FBXL7: variants seen among roughly 807,000 people sequenced by gnomAD.
FBXL7 encodes F-box/LRR-repeat protein 7.
In FBXL7, 12 loss-of-function variants were observed where a neutral mutation model predicts 38.3. The observed-to-expected ratio is 0.31, with a 90% CI of 0.20 to 0.51. The LOEUF (loss-of-function observed/expected upper bound fraction) is 0.51. FBXL7 is among the 20% of genes least tolerant of loss of function. FBXL7 has a pLI of 0.98. For synonymous variants in FBXL7, 297 were observed against 300.9 expected (o/e 0.99, Z 0.13); for missense variants, 567 against 676.4 (o/e 0.84, Z 1.79).
chr5:15,799,511 C>G (rs257776), intron 2 of FBXL7, among the ~76,000 whole-genome samples: 1 of 151,598 alleles, frequency 6.6e-6, no homozygotes, highest in African/African-American at 2.4e-5. Context: ...TACAGGCATG[C>G]GCCACCATGC....
intron 1 of FBXL7, chr5:15,501,377 A>T: frequency 1.0e-6 from 1 of 973,266 alleles, no homozygotes; most frequent in Non-Finnish European, 1.2e-6. Context: ...CCTACTCCTA[A>T]AAGGATGATG....
chr5:15,711,478 C>T (rs997400653), intron 2 of FBXL7, among the ~76,000 whole-genome samples: 2 of 152,188 alleles, frequency 1.3e-5, no homozygotes, highest in African/African-American at 4.8e-5. Flanking sequence ...TGTTACAACC[C>T]TATTTCCAAA....
intron 1 of FBXL7, among the ~76,000 whole-genome samples, chr5:15,538,663 C>A (rs1737654672): frequency 6.6e-6 from 1 of 152,184 alleles, no homozygotes; most frequent in African/African-American, 2.4e-5. Context: ...GATACTCTGT[C>A]TTCCTTGTCT....
intron 1 of FBXL7, among the ~76,000 whole-genome samples, chr5:15,588,751 T>G (rs1739375164): frequency 6.6e-6 from 1 of 152,210 alleles, no homozygotes; most frequent in African/African-American, 2.4e-5. Flanking sequence ...TTTAACTTTC[T>G]TCCCAATTGT....
intron 2 of FBXL7, among the ~76,000 whole-genome samples, chr5:15,725,315 C>T (rs552683801): frequency 4.6e-4 from 70 of 152,242 alleles, no homozygotes; most frequent in Admixed American, 2.5e-3. Flanking sequence ...ATATCCCATA[C>T]ATTTTGGTAT....
intron 2 of FBXL7, among the ~76,000 whole-genome samples, chr5:15,835,397 A>T (rs1395080981): frequency 6.6e-6 from 1 of 152,222 alleles, no homozygotes; most frequent in African/African-American, 2.4e-5. Context: ...TATAATATGA[A>T]ATTATACATT....
At chr5:15,787,729 G>A (rs999237081) in intron 2 of FBXL7, among the ~76,000 whole-genome samples, 1 of 152,140 alleles carries the variant, frequency 6.6e-6, no homozygotes, top group Non-Finnish European at 1.5e-5. Flanking sequence ...ATTAAATTTA[G>A]AGAGGAAAGA....
chr5:15,936,890 G>A lies in FBXL7; in HGVS notation c.1180G>A (p.Val394Met). 1 of 1,614,052 alleles carries A rather than the reference G, an allele frequency of 6.2e-7. No homozygotes were observed. Residue 394 changes from valine (V) to methionine (M), a missense_variant, in exon 4 of 4, where the codon GTG becomes ATG. Coordinates refer to ENST00000504595, the MANE Select transcript of FBXL7 (RefSeq NM_012304.5). This position sits in a 1 kb window ranked among gnomAD's most constrained non-coding sequence, Gnocchi z 6.0. Reference protein sequence around the residue: ...RGCEGITDHGVEYLAKNCTKL... With the variant: ...RGCEGITDHGMEYLAKNCTKL... ...CTGCGAGGGCATCACGGACCACGGTGTGGAGTACCTCGCCAAGAACTGCAC... is the reference window on the plus strand; with the variant it reads ...CTGCGAGGGCATCACGGACCACGGTATGGAGTACCTCGCCAAGAACTGCAC...
At chr5:15,926,090 A>G (rs181221839) in intron 2 of FBXL7, among the ~76,000 whole-genome samples, 13 of 152,284 alleles carry the variant, frequency 8.5e-5, no homozygotes, top group Admixed American at 5.9e-4. Flanking sequence ...ATGCATTTTC[A>G]ACCTGGGATA....
intron 1 of FBXL7, among the ~76,000 whole-genome samples, chr5:15,595,009 T>C (rs1382053427): frequency 6.6e-6 from 1 of 152,182 alleles, no homozygotes; most frequent in African/African-American, 2.4e-5. Context: ...TGCTTTTGTT[T>C]CCCAGTATCT....
At chr5:15,638,155 T>TGATAC (rs1580425933) in intron 2 of FBXL7, among the ~76,000 whole-genome samples, 2 of 152,128 alleles carry the variant, frequency 1.3e-5, no homozygotes, top group East Asian at 3.9e-4. Flanking sequence ...CAATTTAAGG[T>TGATAC]GATACTTAGA....
intron 1 of FBXL7, among the ~76,000 whole-genome samples, chr5:15,550,628 T>G (rs1342345494): frequency 6.6e-6 from 1 of 152,236 alleles, no homozygotes; most frequent in African/African-American, 2.4e-5. Context: ...ACCCAGGTTC[T>G]TTGCAAACTT....
intron 2 of FBXL7, among the ~76,000 whole-genome samples, chr5:15,677,399 G>A (rs943159874): frequency 6.6e-6 from 1 of 151,962 alleles, no homozygotes; most frequent in Non-Finnish European, 1.5e-5. Context: ...CCCAGGAAGT[G>A]GAGGTTGCAG....
At chr5:15,504,412 T>A (rs962424188) in intron 1 of FBXL7, among the ~76,000 whole-genome samples, 7 of 152,242 alleles carry the variant, frequency 4.6e-5, no homozygotes, top group African/African-American at 1.7e-4. Context: ...CTCGTCTCTG[T>A]CTTCCTCACG....
At chr5:15,663,392 T>G (rs555156374) in intron 2 of FBXL7, among the ~76,000 whole-genome samples, 54 of 152,316 alleles carry the variant, frequency 3.5e-4, no homozygotes, top group African/African-American at 1.3e-3. Context: ...CTGAAGAAGC[T>G]TTGGGGCAAG....
intron 2 of FBXL7, among the ~76,000 whole-genome samples, chr5:15,704,661 T>C (rs1743626987): frequency 6.6e-6 from 1 of 152,230 alleles, no homozygotes; most frequent in Non-Finnish European, 1.5e-5. Flanking sequence ...AGTTAAATAC[T>C]ATTGCAAACA....
intron 1 of FBXL7, among the ~76,000 whole-genome samples, chr5:15,571,403 G>A (rs1738776734): frequency 1.3e-5 from 2 of 152,160 alleles, no homozygotes; most frequent in Admixed American, 6.5e-5. Context: ...CTGGGAAAAT[G>A]AAGAGATGTA....
At chr5:15,553,690 T>C (rs543653600) in intron 1 of FBXL7, among the ~76,000 whole-genome samples, 74 of 152,276 alleles carry the variant, frequency 4.9e-4, no homozygotes, top group African/African-American at 1.8e-3. Flanking sequence ...ATGCATTGTT[T>C]AGTTGTAAAT....
At chr5:15,614,206 G>T (rs1740360609) in intron 1 of FBXL7, among the ~76,000 whole-genome samples, 1 of 152,098 alleles carries the variant, frequency 6.6e-6, no homozygotes, top group African/African-American at 2.4e-5. Flanking sequence ...GGAGCAAAAA[G>T]AATTCATCTG....
Sources: allele counts gnomAD v4.1 joint callset (sites outside exome capture counted in the v4.1 genomes callset), GRCh38; gene constraint gnomAD v4.1.1; non-coding constraint Gnocchi (gnomAD v3.1); transcripts MANE v1.5; gene names NCBI Gene and HGNC (gene_info 2026-07-23, HGNC 2026-07-21).